The following MYH11 variants were observed in gnomAD, a reference collection of about 807,000 sequenced individuals.
The protein encoded by MYH11 is myosin heavy chain 11.
Under a neutral mutation model 246.6 loss-of-function variants are expected in MYH11, and 80 were observed. The ratio of observed to expected loss-of-function variants is 0.32; its 90% CI spans 0.27 to 0.39. MYH11 has a LOEUF of 0.39. MYH11 is among the 10% of genes least tolerant of loss of function. The pLI, the probability that MYH11 is intolerant of heterozygous loss-of-function variation, is 1.00. For synonymous variants in MYH11, 1,071 were observed against 1,015.5 expected (o/e 1.05, Z -1.04); for missense variants, 2,158 against 2,546.8 (o/e 0.85, Z 3.29).
chr16:15,789,565 T>G (rs941281684), intron 4 of MYH11, among the ~76,000 whole-genome samples: 2 of 149,948 alleles, frequency 1.3e-5, no homozygotes, highest in African/African-American at 2.5e-5. Context: ...ACCCTTTTAT[T>G]TTAACAAATC....
intron 13 of MYH11, 80 bp downstream of exon 13, chr16:15,757,747 G>A: frequency 1.3e-6 from 2 of 1,567,294 alleles, no homozygotes; most frequent in Non-Finnish European, 1.7e-6. Context: ...TGGGGAGAGT[G>A]TGGGGTCCAC....
chr16:15,853,963 G>A (rs946100276), intron 1 of MYH11, among the ~76,000 whole-genome samples: 9 of 152,118 alleles, frequency 5.9e-5, no homozygotes, highest in Admixed American at 3.3e-4. Context: ...CCTAGGAGGC[G>A]GAGGTTGCAG....
chr16:15,705,867 G>C (rs892148280), intron 40 of MYH11, among the ~76,000 whole-genome samples: 1 of 151,650 alleles, frequency 6.6e-6, no homozygotes, highest in Admixed American at 6.6e-5. Flanking sequence ...TGTAGTCCCA[G>C]CTACTCGGGA....
At position 15,717,055 on chromosome 16, in the gene MYH11, C is replaced by T. The variant is rs144011757; in HGVS notation, c.5504+85G>A. Reference sequence around the variant, plus strand: ...TGCTTCTTACAAGCCAGAACTGATGCTGGAAGAGGTTCCCTGACTTCACTA... The same window carrying T: ...TGCTTCTTACAAGCCAGAACTGATGTTGGAAGAGGTTCCCTGACTTCACTA... On this transcript the variant is annotated intron_variant, in intron 38 of 40. Transcript: ENST00000300036. 101 of 1,414,970 alleles carry T rather than the reference C, an allele frequency of 7.1e-5. 2 individuals carry two copies. Among genetic ancestry groups the T allele is most frequent in the Admixed American group, 3.5e-4 (21 of 59,760 alleles). The allele number at this position is 1,414,970 out of a possible 1,614,324, so 87.7% of individuals were successfully genotyped here.
chr16:15,704,243 G>T, intron 40 of MYH11, 120 bp from the exon 41 acceptor site: 1 of 1,159,788 alleles, frequency 8.6e-7, no homozygotes, highest in Non-Finnish European at 1.2e-6. Context: ...TTTTTTTTAT[G>T]GCAGAAAACA....
At chr16:15,758,846 C>T (rs1235392278) in intron 12 of MYH11, among the ~76,000 whole-genome samples, 1 of 151,626 alleles carries the variant, frequency 6.6e-6, no homozygotes, top group African/African-American at 2.4e-5. Flanking sequence ...CTCCTGTAGT[C>T]CCAGCTACTC....
intron 8 of MYH11, among the ~76,000 whole-genome samples, chr16:15,773,772 T>C (rs2042159145): frequency 6.6e-6 from 1 of 152,190 alleles, no homozygotes; most frequent in Non-Finnish European, 1.5e-5. Context: ...GGCCATCTGG[T>C]CCTTAAAGTC....
chr16:15,830,518 C>T (rs2043705948), intron 2 of MYH11, among the ~76,000 whole-genome samples: 1 of 152,102 alleles, frequency 6.6e-6, no homozygotes, highest in African/African-American at 2.4e-5. Context: ...CGCACAACAG[C>T]CGGGGCCTGT....
chr16:15,762,935 T>C (rs1437731169), intron 10 of MYH11, among the ~76,000 whole-genome samples: 1 of 152,114 alleles, frequency 6.6e-6, no homozygotes, highest in Non-Finnish European at 1.5e-5. Context: ...ATAAGAAACC[T>C]AAGTTTTGCT....
At chr16:15,822,038 G>A (rs1171830718) in intron 3 of MYH11, among the ~76,000 whole-genome samples, 1 of 152,222 alleles carries the variant, frequency 6.6e-6, no homozygotes, top group Non-Finnish European at 1.5e-5. Flanking sequence ...GGAGGTAATG[G>A]CAGGCCCTGC....
intron 2 of MYH11, among the ~76,000 whole-genome samples, chr16:15,828,497 C>T (rs759609228): frequency 3.7e-4 from 56 of 152,086 alleles, no homozygotes; most frequent in Non-Finnish European, 6.2e-4. Flanking sequence ...TCCTGCACCC[C>T]GCACAGTGCC....
At chr16:15,719,162 T>A in intron 36 of MYH11, 58 bp downstream of exon 36, 1 of 1,513,032 alleles carries the variant, frequency 6.6e-7, no homozygotes, top group Non-Finnish European at 9.2e-7. Context: ...GGGTCGAGGA[T>A]GCTGCCTGTC....
At chr16:15,719,163 G>A (rs1311631946) in intron 36 of MYH11, 57 bp downstream of exon 36, 6 of 1,520,584 alleles carry the variant, frequency 3.9e-6, no homozygotes, top group Non-Finnish European at 5.5e-6. Flanking sequence ...GGTCGAGGAT[G>A]CTGCCTGTCC....
At position 15,708,684 on chromosome 16, in the gene MYH11, G is replaced by GC. The variant is rs1243726110; in HGVS notation, c.5787-4562dup. 8 of 1,050,292 alleles carry GC rather than the reference G, an allele frequency of 7.6e-6. No individual in the cohort carries two copies. In the African/African-American group the frequency reaches 1.3e-4, roughly 17 times the overall value. 65.1% of individuals were successfully genotyped at this position (1,050,292 alleles called of 1,614,324 possible). A position where few individuals can be genotyped will look rare whatever the true frequency, so the allele number is the denominator to read the frequency against. On this transcript the variant is annotated intron_variant, in intron 40 of 40. Transcript: ENST00000300036. ...AAAGATATCCAAGCCTCCAGATTTTGCAAGAATCTCGTGGAAATGTGCAAG... is the reference window on the plus strand; with the variant it reads ...AAAGATATCCAAGCCTCCAGATTTTGCCAAGAATCTCGTGGAAATGTGCAAG...
At chr16:15,756,197 A>G in intron 14 of MYH11, 144 bp downstream of exon 14, 1 of 875,976 alleles carries the variant, frequency 1.1e-6, no homozygotes, top group East Asian at 2.7e-5. Context: ...AATTACGAAT[A>G]GGACTTGGTT....
At chr16:15,761,426 T>C (rs2041865603) in intron 10 of MYH11, among the ~76,000 whole-genome samples, 2 of 152,218 alleles carry the variant, frequency 1.3e-5, no homozygotes, top group Non-Finnish European at 2.9e-5. Flanking sequence ...TATTTAACAG[T>C]TACTTAGTAA....
At chr16:15,844,855 A>G (rs1403386231) in intron 1 of MYH11, among the ~76,000 whole-genome samples, 1 of 152,202 alleles carries the variant, frequency 6.6e-6, no homozygotes, top group Non-Finnish European at 1.5e-5. Flanking sequence ...GTCTCAAAAA[A>G]GAGAAAGCCA....
chr16:15,829,909 T>A (rs1019688452), intron 2 of MYH11, among the ~76,000 whole-genome samples: 4 of 151,982 alleles, frequency 2.6e-5, no homozygotes, highest in East Asian at 1.9e-4. Flanking sequence ...CCAAGGTGGG[T>A]GGATCACCTG....
chr16:15,815,790 GT>G (rs1800388445), intron 3 of MYH11, among the ~76,000 whole-genome samples: 2 of 152,052 alleles, frequency 1.3e-5, no homozygotes, highest in African/African-American at 4.8e-5. Flanking sequence ...ACAAAAACTG[GT>G]CATGTACAAA....
Sources: allele counts gnomAD v4.1 joint callset (sites outside exome capture counted in the v4.1 genomes callset), GRCh38; gene constraint gnomAD v4.1.1; transcripts MANE v1.5; gene names NCBI Gene and HGNC (gene_info 2026-07-23, HGNC 2026-07-21).